The following KDM6A variants were observed in gnomAD, a reference collection of about 807,000 sequenced individuals.
The protein encoded by KDM6A is lysine demethylase 6A.
In KDM6A, 11 loss-of-function variants were observed where a neutral mutation model predicts 117.6. That is an observed-to-expected ratio of 0.09 (90% CI 0.06 to 0.15). KDM6A has a LOEUF of 0.15. KDM6A is among the 10% of genes least tolerant of loss of function. The pLI is 1.00. For synonymous variants in KDM6A, 384 were observed against 396.1 expected (o/e 0.97, Z 0.36); for missense variants, 799 against 1,077.3 (o/e 0.74, Z 3.62).
chrX:44,953,604 A>C (rs1380513560), intron 2 of KDM6A, among the ~76,000 whole-genome samples: 2 of 111,802 alleles, frequency 1.8e-5, no homozygotes, highest in African/African-American at 6.5e-5. Context: ...ATATGTTAGA[A>C]ATTTTAAATA....
intron 4 of KDM6A, among the ~76,000 whole-genome samples, chrX:44,991,408 C>T (rs1439567499): frequency 9.2e-6 from 1 of 108,713 alleles, no homozygotes; most frequent in African/African-American, 3.4e-5. Flanking sequence ...TCTTTTTGTC[C>T]AGACCACTAT....
At chrX:44,874,280 C>T (rs746602061) in intron 2 of KDM6A, among the ~76,000 whole-genome samples, 1 of 111,543 alleles carries the variant, frequency 9.0e-6, no homozygotes, top group Non-Finnish European at 1.9e-5. Context: ...GAGGGTAGGC[C>T]GATGATCTTC....
intron 1 of KDM6A, 62 bp from the exon 2 acceptor site, chrX:44,873,862 G>T: frequency 8.5e-7 from 1 of 1,169,979 alleles, no homozygotes; most frequent in Non-Finnish European, 1.2e-6. Context: ...CTCGGGCTCG[G>T]GCAGGGACGG....
intron 8 of KDM6A, among the ~76,000 whole-genome samples, chrX:45,043,480 A>C (rs1336527533): frequency 1.8e-5 from 2 of 111,322 alleles, no homozygotes; most frequent in East Asian, 5.6e-4. Flanking sequence ...AGATTAAAAA[A>C]TATTTTAGTA....
chrX:44,965,494 G>T (rs2038961629), intron 3 of KDM6A, among the ~76,000 whole-genome samples: 1 of 111,581 alleles, frequency 9.0e-6, no homozygotes, highest in South Asian at 3.8e-4. Flanking sequence ...AGAGGTCATC[G>T]TAGGGTTATT....
chrX:45,073,195 C>G (rs996597725), intron 18 of KDM6A, among the ~76,000 whole-genome samples: 4 of 111,436 alleles, frequency 3.6e-5, no homozygotes, highest in African/African-American at 1.3e-4. Flanking sequence ...CTGCAAAGGA[C>G]ATGAACTCAT....
chrX:44,896,760 C>T (rs905051952), intron 2 of KDM6A, among the ~76,000 whole-genome samples: 11 of 109,415 alleles, frequency 1.0e-4, no homozygotes, highest in African/African-American at 3.7e-4. Context: ...ATAGAATTCA[C>T]AGTGGACAGT....
chrX:45,000,921 G>A (rs1444413686), intron 4 of KDM6A, among the ~76,000 whole-genome samples: 1 of 113,286 alleles, frequency 8.8e-6, no homozygotes, highest in Non-Finnish European at 1.9e-5. Context: ...GGCCTGCTAT[G>A]CGCACAAGCA....
chrX:44,896,528 G>A (rs1375799816), intron 2 of KDM6A, among the ~76,000 whole-genome samples: 4 of 109,408 alleles, frequency 3.7e-5, no homozygotes, highest in Non-Finnish European at 5.7e-5. Context: ...AAACTCATGC[G>A]TAGTATGATA....
rs1439366112 is a variant in KDM6A, at chrX:45,041,671, G to A, written c.654+3982G>A. On this transcript the variant is annotated intron_variant, in intron 8 of 29. Coordinates refer to ENST00000611820, the MANE Select transcript of KDM6A (RefSeq NM_001291415.2). ...AGACGATGGGCGGCCGGGCAGAGAC[G>A]CTCCTCACTTCCTAGATGGGATGGC... Among the ~76,000 whole-genome samples, 3 of 110,340 alleles carry A rather than the reference G, an allele frequency of 2.7e-5. No individual in the cohort carries two copies. In the Admixed American group the frequency reaches 2.8e-4, roughly 10 times the overall value.
At chrX:44,942,103 C>T (rs182469106) in intron 2 of KDM6A, among the ~76,000 whole-genome samples, 48 of 108,543 alleles carry the variant, frequency 4.4e-4, no homozygotes, top group African/African-American at 1.4e-3. Context: ...CCTGCAATCT[C>T]GGCTCACTGC....
In KDM6A at chrX:44,873,522, G is replaced by C; in HGVS notation, c.-30G>C. ...GGCCCCGGTCCGAGGGGGGGTGTCG[G>C]CGTTGGAGTTGTGAATTCGCTGCGT... is the stretch of plus-strand genomic sequence containing the variant. On this transcript the variant is annotated 5_prime_UTR_variant, in exon 1 of 30. Transcript: ENST00000611820. The C allele has an allele frequency of 8.3e-7, 1 of 1,208,915 alleles. No homozygotes were observed. The highest frequency in any genetic ancestry group is 1.1e-6 in the Non-Finnish European group (1 of 894,699).
intron 2 of KDM6A, among the ~76,000 whole-genome samples, chrX:44,874,454 C>A (rs1000964523): frequency 1.8e-5 from 2 of 111,746 alleles, no homozygotes; most frequent in Admixed American, 9.5e-5. Context: ...GTCCCCGCTC[C>A]CAGAAGGGGG....
At chrX:45,047,096 T>A (rs1273326722) in intron 8 of KDM6A, among the ~76,000 whole-genome samples, 1 of 111,456 alleles carries the variant, frequency 9.0e-6, no homozygotes, top group Non-Finnish European at 1.9e-5. Context: ...TTCTTTGTAT[T>A]GTATTGTTTT....
intron 27 of KDM6A, among the ~76,000 whole-genome samples, chrX:45,105,216 T>C (rs1034447918): frequency 3.6e-5 from 4 of 111,729 alleles, no homozygotes; most frequent in African/African-American, 1.3e-4. Context: ...TAAAAACTCA[T>C]AGCTCAACCA....
intron 4 of KDM6A, among the ~76,000 whole-genome samples, chrX:45,010,105 T>G (rs1463089199): frequency 1.8e-5 from 2 of 111,469 alleles, no homozygotes; most frequent in Non-Finnish European, 3.8e-5. Context: ...TAGGGAAGAT[T>G]TACTAAAATA....
rs758710748 is a variant in KDM6A, at chrX:44,986,907, C to T, written c.384+12192C>T. ...ATTCTGTTGATTTGGGGTGGAGAGT[C>T]CTGTAGATGTCTATTAGGTCTGCTT... On this transcript the variant is annotated intron_variant, in intron 4 of 29. Transcript: ENST00000611820. Among the ~76,000 whole-genome samples, 317 of 111,237 alleles carry T rather than the reference C, an allele frequency of 2.8e-3. 1 individual carries two copies. Among genetic ancestry groups the T allele is most frequent in the African/African-American group, 1.0e-2 (305 of 30,618 alleles).
intron 2 of KDM6A, among the ~76,000 whole-genome samples, chrX:44,893,848 C>T (rs762603454): frequency 3.6e-5 from 4 of 111,259 alleles, no homozygotes; most frequent in Non-Finnish European, 7.5e-5. Context: ...GATTTTTAAT[C>T]TTGAATAGAG....
intron 27 of KDM6A, among the ~76,000 whole-genome samples, chrX:45,100,003 T>TA (rs766886276): frequency 1.2e-3 from 135 of 109,038 alleles, no homozygotes; most frequent in South Asian, 5.2e-3. Context: ...CACTGCACTC[T>TA]AGTCTGGGCG....
Sources: gnomAD v4.1 joint callset for allele counts (sites outside exome capture counted in the v4.1 genomes callset) on GRCh38, gnomAD v4.1.1 for gene constraint, MANE v1.5 for transcripts, NCBI Gene and HGNC (gene_info 2026-07-23, HGNC 2026-07-21) for gene names.